TRPS1: variants seen among roughly 807,000 people sequenced by gnomAD.
TRPS1 encodes the protein transcriptional repressor GATA binding 1.
TRPS1 carries 6 observed loss-of-function variants against 101.2 expected under a neutral mutation model. The ratio of observed to expected loss-of-function variants is 0.06; its 90% CI spans 0.03 to 0.12. The LOEUF is 0.12. Ranked by LOEUF, TRPS1 falls within the 10% of genes least tolerant of loss-of-function variation. The pLI, the probability that TRPS1 is intolerant of heterozygous loss-of-function variation, is 1.00. For synonymous variants in TRPS1, 578 were observed against 589.8 expected, an observed-to-expected ratio of 0.98 and a Z score of 0.29; for missense variants, 1,363 against 1,567.0, an observed-to-expected ratio of 0.87 and a Z score of 2.20.
At chr8:115,576,554 G>A (rs754443602) in intron 5 of TRPS1, among the ~76,000 whole-genome samples, 2 of 152,036 alleles carry the variant, frequency 1.3e-5, no homozygotes, top group African/African-American at 2.4e-5. Context: ...AGGGTCACAC[G>A]GCTAGTTAGT....
In TRPS1 at chr8:115,411,707, CG is replaced by C. The variant is rs1484943458; in HGVS notation, c.*2315del. On this transcript the variant is annotated 3_prime_UTR_variant, in exon 7 of 7. Coordinates refer to ENST00000395715, the MANE Select transcript of TRPS1 (RefSeq NM_014112.5). The stretch of plus-strand genomic sequence containing the variant: ...AGTTTATGTGAATATTAGAGCTACG[CG>C]ACAGGTGAGATCAGAATAAGGCCCG... 6.6e-6 allele frequency: 1 copy of C among 152,294 alleles called. No homozygotes were observed. Among genetic ancestry groups the C allele is most frequent in the Non-Finnish European group, 1.5e-5 (1 of 67,950 alleles). 9.4% of individuals were successfully genotyped at this position (152,294 alleles called of 1,614,324 possible).
intron 4 of TRPS1, among the ~76,000 whole-genome samples, chr8:115,589,021 C>T (rs1352712380): frequency 6.6e-6 from 1 of 151,874 alleles, no homozygotes; most frequent in Non-Finnish European, 1.5e-5. Flanking sequence ...TAAAGGGCTG[C>T]GTAGGTAATC....
chr8:115,536,532 A>AAAAG (rs1326871432), intron 5 of TRPS1, among the ~76,000 whole-genome samples: 2 of 151,850 alleles, frequency 1.3e-5, no homozygotes, highest in East Asian at 3.9e-4. Context: ...CAAAAAAAAA[A>AAAAG]AAAAAAAAAT....
At chr8:115,516,288 C>T (rs200139049) in intron 5 of TRPS1, among the ~76,000 whole-genome samples, 21 of 466 alleles carry the variant, frequency 0.045, no homozygotes, top group African/African-American at 0.12. Flanking sequence ...ACTAAAGTAT[C>T]GTAATGAGTT....
intron 5 of TRPS1, among the ~76,000 whole-genome samples, chr8:115,450,718 ACCC>A (rs2129925131): frequency 6.6e-6 from 1 of 152,232 alleles, no homozygotes; most frequent in Non-Finnish European, 1.5e-5. Flanking sequence ...CATGAAAAAA[ACCC>A]CAGCAGTGAA....
chr8:115,490,686 G>T (rs1017471526), intron 5 of TRPS1, among the ~76,000 whole-genome samples: 2 of 152,064 alleles, frequency 1.3e-5, no homozygotes, highest in African/African-American at 4.8e-5. Flanking sequence ...TCAGCCCAAA[G>T]AATTCGATTG....
At chr8:115,659,699 T>C (rs887904001) in intron 1 of TRPS1, among the ~76,000 whole-genome samples, 5 of 151,992 alleles carry the variant, frequency 3.3e-5, no homozygotes, top group Non-Finnish European at 5.9e-5. Context: ...ATGTATTTTA[T>C]TTCCACATCT....
chr8:115,483,536 A>G (rs945183822), intron 5 of TRPS1, among the ~76,000 whole-genome samples: 1 of 149,118 alleles, frequency 6.7e-6, no homozygotes, highest in African/African-American at 2.5e-5. Flanking sequence ...TTGTCTCAAA[A>G]AAAAAAAAAA....
chr8:115,613,648 T>G (rs545752891), intron 3 of TRPS1, among the ~76,000 whole-genome samples: 11 of 152,204 alleles, frequency 7.2e-5, no homozygotes, highest in Non-Finnish European at 1.5e-4. Flanking sequence ...TATATGCTGT[T>G]TCCTTATTTT....
intron 5 of TRPS1, among the ~76,000 whole-genome samples, chr8:115,569,556 C>T (rs1247765384): frequency 1.3e-5 from 2 of 152,042 alleles, no homozygotes; most frequent in Non-Finnish European, 2.9e-5. Flanking sequence ...GTTCTCGTAT[C>T]CAGGTTTGTC....
chr8:115,476,019 T>C lies in TRPS1; in HGVS notation c.2701-57567A>G, dbSNP rs1350922817. On this transcript the variant is annotated intron_variant, in intron 5 of 6. Transcript: ENST00000395715. The stretch of plus-strand genomic sequence containing the variant: ...AAATATACTTTCTTTTTTTTTTTTT[T>C]TTTTTTTTTTTTTTTTTGAGACGGA... Among the ~76,000 whole-genome samples, 2 of 15,194 alleles carry C rather than the reference T, an allele frequency of 1.3e-4. 1 individual carries two copies. Among genetic ancestry groups the C allele is most frequent in the Non-Finnish European group, 1.8e-4 (2 of 11,396 alleles). 10.0% of individuals were successfully genotyped at this position (15,194 alleles called of 152,430 possible). A position where few individuals can be genotyped will look rare whatever the true frequency, so the allele number is the denominator to read the frequency against.
intron 5 of TRPS1, among the ~76,000 whole-genome samples, chr8:115,571,280 C>G (rs772752921): frequency 2.6e-5 from 4 of 152,056 alleles, no homozygotes; most frequent in Non-Finnish European, 2.9e-5. Flanking sequence ...AAAGAACTAC[C>G]ATAAATTCTG....
At chr8:115,514,816 T>C (rs2130198288) in intron 5 of TRPS1, among the ~76,000 whole-genome samples, 1 of 151,758 alleles carries the variant, frequency 6.6e-6, no homozygotes, top group East Asian at 1.9e-4. Context: ...TAGAATAGGA[T>C]AAGAAATACT....
intron 5 of TRPS1, among the ~76,000 whole-genome samples, chr8:115,574,538 GC>G (rs1231176061): frequency 6.6e-6 from 1 of 152,064 alleles, no homozygotes; most frequent in African/African-American, 2.4e-5. Flanking sequence ...TGTACTCTTT[GC>G]TTTAACACCT....
At position 115,619,692 on chromosome 8, in the gene TRPS1, C is replaced by T; in HGVS notation, c.406G>A (p.Glu136Lys). Reference sequence around the variant, plus strand: ...GCTCTTTGCGGAGACTTCAAGGGCTCACAGACTCCCCCAGCAGCTGGAGAT... The same window carrying T: ...GCTCTTTGCGGAGACTTCAAGGGCTTACAGACTCCCCCAGCAGCTGGAGAT... The part of the protein sequence containing the change: ...FSSPAAGGVC[E>K]PLKSPQRAEA... The change falls in exon 3 of 7, where the codon GAG (glutamate) becomes AAG (lysine). Residue 136 changes from glutamate (E) to lysine (K), a missense_variant. Glu to Lys is a moderately conservative substitution (Grantham distance 56). Around this residue, in one of 5 missense-constraint regions of TRPS1, gnomAD observed 1,020 missense variants for 1,073.0 expected, o/e 0.95. Coordinates refer to ENST00000395715, the MANE Select transcript of TRPS1 (RefSeq NM_014112.5). The T allele has an allele frequency of 6.2e-7, 1 of 1,614,164 alleles. No homozygotes were observed. The highest frequency in any genetic ancestry group is 1.1e-5 in the South Asian group (1 of 91,086).
At chr8:115,601,050 G>A (rs1361034799) in intron 4 of TRPS1, among the ~76,000 whole-genome samples, 2 of 152,174 alleles carry the variant, frequency 1.3e-5, no homozygotes, top group East Asian at 1.9e-4. Flanking sequence ...CAACAGAATC[G>A]ACACTGAGGT....
intron 5 of TRPS1, among the ~76,000 whole-genome samples, chr8:115,570,777 T>C (rs185544031): frequency 2.6e-5 from 4 of 151,828 alleles, no homozygotes; most frequent in Middle Eastern, 3.4e-3. Flanking sequence ...AACCCCAACA[T>C]TGCCATGAAA....
At chr8:115,459,293 C>T (rs1814106138) in intron 5 of TRPS1, among the ~76,000 whole-genome samples, 1 of 151,982 alleles carries the variant, frequency 6.6e-6, no homozygotes, top group Non-Finnish European at 1.5e-5. Flanking sequence ...CACTGCACTC[C>T]AGCCCAGGCA....
chr8:115,497,771 T>C (rs1815184963), intron 5 of TRPS1, among the ~76,000 whole-genome samples: 1 of 152,202 alleles, frequency 6.6e-6, no homozygotes, highest in African/African-American at 2.4e-5. Context: ...ATTAAAATTA[T>C]GTTACATCAA....
Sources: allele counts gnomAD v4.1 joint callset (sites outside exome capture counted in the v4.1 genomes callset), GRCh38; gene constraint gnomAD v4.1.1; regional missense constraint gnomAD v4.1.1; transcripts MANE v1.5; gene names NCBI Gene and HGNC (gene_info 2026-07-23, HGNC 2026-07-21).